Variants in ZNF438 observed in about 807,000 individuals in gnomAD.
ZNF438 encodes zinc finger protein 438.
Under a neutral mutation model 38.0 loss-of-function variants are expected in ZNF438, and 25 were observed. The observed-to-expected ratio is 0.66, with a 90% confidence interval of 0.48 to 0.92. The LOEUF is 0.92. Among genes scored for constraint, ZNF438 ranks in the 40% least tolerant of loss-of-function variants. The probability of loss-of-function intolerance (pLI) is 0.00; values close to 1 mark genes in which losing one functional copy is unlikely to be tolerated. For missense variants in ZNF438, 1,007 were observed against 999.6 expected, an observed-to-expected ratio of 1.01 and a Z score of -0.10; for synonymous variants, 372 against 364.1, an observed-to-expected ratio of 1.02 and a Z score of -0.25.
intron 1 of ZNF438, among the ~76,000 whole-genome samples, chr10:30,955,745 G>A (rs776806664): frequency 3.9e-5 from 6 of 152,154 alleles, no homozygotes; most frequent in Non-Finnish European, 7.3e-5. Context: ...GAGACTTGCT[G>A]TTTCACACCA....
intron 1 of ZNF438, among the ~76,000 whole-genome samples, chr10:31,004,027 A>G (rs1412607583): frequency 6.6e-6 from 1 of 152,220 alleles, no homozygotes; most frequent in Non-Finnish European, 1.5e-5. Context: ...GATCCTCAGA[A>G]GAGAACTTCA....
chr10:30,908,596 T>C (rs2134477994), intron 3 of ZNF438, among the ~76,000 whole-genome samples: 1 of 152,322 alleles, frequency 6.6e-6, no homozygotes, highest in South Asian at 2.1e-4. Flanking sequence ...AGCTGTCCTA[T>C]CTTTCCTGAT....
chr10:30,939,503 C>A (rs2046595004), intron 2 of ZNF438, among the ~76,000 whole-genome samples: 1 of 152,192 alleles, frequency 6.6e-6, no homozygotes, highest in African/African-American at 2.4e-5. Flanking sequence ...TCTTTCAATA[C>A]CTGACTTAAA....
chr10:30,901,983 G>A (rs951886792), intron 3 of ZNF438, among the ~76,000 whole-genome samples: 1 of 151,742 alleles, frequency 6.6e-6, no homozygotes, highest in Non-Finnish European at 1.5e-5. Context: ...GTGGGTTCGT[G>A]ATCTGGCTGG....
chr10:30,853,525 C>T (rs897922359), intron 4 of ZNF438, among the ~76,000 whole-genome samples: 10 of 152,316 alleles, frequency 6.6e-5, no homozygotes, highest in Admixed American at 1.3e-4. Context: ...TGGCTACTCC[C>T]GCCCACCCAA....
At position 31,013,171 on chromosome 10, in the gene ZNF438, T is replaced by C. The variant is rs1207616924; in HGVS notation, c.-192+18662A>G. On this transcript the variant is annotated intron_variant, in intron 1 of 5. Transcript: ENST00000413025. ...CGTGTCTACTAAAAATACAAAAAATTAGCCGCGCGCGGTGGCGGGCGCCTG... is the reference window on the plus strand; with the variant it reads ...CGTGTCTACTAAAAATACAAAAAATCAGCCGCGCGCGGTGGCGGGCGCCTG... 2.0e-5 allele frequency among the ~76,000 whole-genome samples: 3 copies of C among 150,392 alleles called. No homozygotes were observed. In the East Asian group the frequency reaches 5.9e-4, roughly 30 times the overall value.
At chr10:30,933,839 G>T (rs1421318747) in intron 2 of ZNF438, among the ~76,000 whole-genome samples, 2 of 152,046 alleles carry the variant, frequency 1.3e-5, no homozygotes, top group Non-Finnish European at 2.9e-5. Context: ...GGGGGCACTG[G>T]GAGCCACACT....
At chr10:30,937,757 C>G (rs541683307) in intron 2 of ZNF438, among the ~76,000 whole-genome samples, 2 of 152,210 alleles carry the variant, frequency 1.3e-5, no homozygotes, top group African/African-American at 4.8e-5. Context: ...TTTATTACCA[C>G]GACCACTGCT....
At chr10:30,985,229 T>G (rs768768383) in intron 1 of ZNF438, among the ~76,000 whole-genome samples, 2 of 152,148 alleles carry the variant, frequency 1.3e-5, no homozygotes, top group African/African-American at 2.4e-5. Context: ...CCTCCAGTCT[T>G]GAATGAAGGT....
intron 1 of ZNF438, among the ~76,000 whole-genome samples, chr10:30,942,136 T>G (rs921862077): frequency 6.6e-6 from 1 of 152,140 alleles, no homozygotes; most frequent in Admixed American, 6.6e-5. Context: ...AGCACGATAA[T>G]TACTACAGGG....
intron 3 of ZNF438, among the ~76,000 whole-genome samples, chr10:30,886,953 A>G (rs940061126): frequency 3.3e-5 from 5 of 152,294 alleles, no homozygotes; most frequent in African/African-American, 9.6e-5. Flanking sequence ...TTTTATGATG[A>G]TTTGACATCT....
intron 1 of ZNF438, among the ~76,000 whole-genome samples, chr10:30,994,347 T>A (rs1009090901): frequency 1.3e-5 from 2 of 152,208 alleles, no homozygotes; most frequent in Admixed American, 6.5e-5. Flanking sequence ...TATTGAGAAG[T>A]AGTACTTTTA....
chr10:31,003,199 T>A (rs750264067), intron 1 of ZNF438, among the ~76,000 whole-genome samples: 2 of 152,188 alleles, frequency 1.3e-5, no homozygotes, highest in Non-Finnish European at 2.9e-5. Context: ...CAAATGCCGA[T>A]AGCCACCTCA....
intron 1 of ZNF438, among the ~76,000 whole-genome samples, chr10:30,982,719 T>C (rs2052350546): frequency 6.6e-6 from 1 of 152,190 alleles, no homozygotes; most frequent in Non-Finnish European, 1.5e-5. Flanking sequence ...GCATGGCTAC[T>C]TTACTTTTAT....
intron 1 of ZNF438, among the ~76,000 whole-genome samples, chr10:30,993,528 G>A (rs1266652723): frequency 1.3e-5 from 2 of 152,216 alleles, no homozygotes; most frequent in African/African-American, 4.8e-5. Context: ...CAGAAGTGGG[G>A]CTATGGTAGT....
chr10:30,868,386 A>T (rs1323485669), intron 4 of ZNF438, among the ~76,000 whole-genome samples: 1 of 152,000 alleles, frequency 6.6e-6, no homozygotes, highest in African/African-American at 2.4e-5. Context: ...GATTTTTTTA[A>T]ACAAAAAGTA....
At chr10:30,868,930 T>C (rs1329018230) in intron 4 of ZNF438, among the ~76,000 whole-genome samples, 1 of 152,214 alleles carries the variant, frequency 6.6e-6, no homozygotes, top group Admixed American at 6.5e-5. Context: ...GCAGCAGGGG[T>C]TCTGACAAAG....
chr10:30,997,985 G>A (rs761107562), intron 1 of ZNF438, among the ~76,000 whole-genome samples: 5 of 152,270 alleles, frequency 3.3e-5, no homozygotes, highest in Non-Finnish European at 5.9e-5. Context: ...CAGATTTCTA[G>A]TTATATGAGA....
In ZNF438 at chr10:30,920,416, A is replaced by G. The variant is rs996455641; in HGVS notation, c.-114-11401T>C. On this transcript the variant is annotated intron_variant, in intron 2 of 5. Coordinates refer to ENST00000413025, the Ensembl canonical transcript of ZNF438. Reference sequence around the variant, plus strand: ...TTTGAGGTCTTCCTTTTAATGGTTGATCTTGGGCTAAAAAGGGCTCTGGTA... The same window carrying G: ...TTTGAGGTCTTCCTTTTAATGGTTGGTCTTGGGCTAAAAAGGGCTCTGGTA... 9 of 152,304 alleles carry G rather than the reference A, an allele frequency of 5.9e-5. No individual in the cohort carries two copies. In the East Asian group the frequency reaches 1.5e-3, roughly 26 times the overall value. The allele number at this position is 152,304 out of a possible 1,614,324, so 9.4% of individuals were successfully genotyped here.
Sources: allele counts gnomAD v4.1 joint callset (sites outside exome capture counted in the v4.1 genomes callset), GRCh38; gene constraint gnomAD v4.1.1; transcripts MANE v1.5; gene names NCBI Gene and HGNC (gene_info 2026-07-23, HGNC 2026-07-21).